Variants in ZBTB4 observed in about 807,000 individuals in gnomAD.
The protein encoded by ZBTB4 is zinc finger and BTB domain containing 4.
ZBTB4 carries 14 observed loss-of-function variants against 59.8 expected under a neutral mutation model. The ratio of observed to expected loss-of-function variants is 0.23; its 90% CI spans 0.15 to 0.37. The LOEUF is 0.37. Among genes scored for constraint, ZBTB4 ranks in the 10% least tolerant of loss-of-function variants. The pLI is 1.00. For synonymous variants in ZBTB4, 587 were observed against 575.2 expected, an observed-to-expected ratio of 1.02 and a Z score of -0.29; for missense variants, 1,198 against 1,380.8, an observed-to-expected ratio of 0.87 and a Z score of 2.10.
chr17:7,478,595 T>A (rs2070301246), intron 1 of ZBTB4, among the ~76,000 whole-genome samples: 1 of 152,136 alleles, frequency 6.6e-6, no homozygotes, highest in Admixed American at 6.5e-5. Context: ...ACATACAGCA[T>A]GCCAGCTCTG....
chr17:7,482,400 C>G, upstream of ZBTB4: 1 of 1,614,016 alleles, frequency 6.2e-7, no homozygotes, highest in Non-Finnish European at 8.5e-7. Context: ...GGTTCTTCCA[C>G]CGTCTGCTCC....
At position 7,459,925 on chromosome 17, in the gene ZBTB4, A is replaced by C. The variant is rs186060676; in HGVS notation, c.*2015T>G. ...TGCCTCAGAGGAGTATGGGTTAAGG[A>C]TATAGGGGCACTGTCGTCACCTCTG... On this transcript the variant is annotated 3_prime_UTR_variant, in exon 4 of 4. Coordinates refer to ENST00000380599, the MANE Select transcript of ZBTB4 (RefSeq NM_001128833.2). The C allele has an allele frequency of 6.6e-6, 1 of 152,648 alleles. No homozygotes were observed. The highest frequency in any genetic ancestry group is 1.9e-4 in the East Asian group (1 of 5,186). The allele number at this position is 152,648 out of a possible 1,614,324, so 9.5% of individuals were successfully genotyped here.
upstream of ZBTB4, chr17:7,484,212 T>G (rs1048406961): frequency 1.9e-5 from 3 of 156,190 alleles, no homozygotes; most frequent in Admixed American, 6.5e-5. Flanking sequence ...CTTCAAAAGG[T>G]CGCCCAACCA....
intron 3 of ZBTB4, among the ~76,000 whole-genome samples, chr17:7,465,102 G>A (rs1183866267): frequency 6.8e-6 from 1 of 147,684 alleles, no homozygotes; most frequent in African/African-American, 2.5e-5. Context: ...CTTGCAGTGA[G>A]CCGAGATCAC....
Position 7,463,493 on chromosome 17 carries a change from C to T in ZBTB4, c.1489G>A (p.Ala497Thr). ...SSSGGGGSGT[A>T]STGGSQAASV... ...GCAGCTTGGGACCCTCCTGTGCTGG[C>T]CGTCCCACTCCCCCCTCCACCACTG... The change falls in exon 4 of 4, where the codon GCC becomes ACC. Residue 497 changes from alanine (A) to threonine (T), a missense_variant. Around this residue, in one of 9 missense-constraint regions of ZBTB4, gnomAD observed 550 missense variants for 541.8 expected, o/e 1.02. Transcript: ENST00000380599. 1.3e-6 allele frequency: 2 copies of T among 1,544,682 alleles called. No homozygotes were observed. The highest frequency in any genetic ancestry group is 2.3e-5 in the East Asian group (1 of 43,400).
At chr17:7,471,278 G>A (rs2070194320) in intron 1 of ZBTB4, among the ~76,000 whole-genome samples, 1 of 152,090 alleles carries the variant, frequency 6.6e-6, no homozygotes, top group African/African-American at 2.4e-5. Context: ...GGACCTCCTG[G>A]AATCAAATGA....
intron 1 of ZBTB4, among the ~76,000 whole-genome samples, chr17:7,478,889 T>A (rs987837378): frequency 6.6e-6 from 1 of 152,074 alleles, no homozygotes; most frequent in African/African-American, 2.4e-5. Flanking sequence ...AGGTTTACCT[T>A]GCCCCACCAC....
chr17:7,482,812 G>A (rs766115951), upstream of ZBTB4: 2 of 1,611,928 alleles, frequency 1.2e-6, no homozygotes, highest in East Asian at 4.5e-5. Flanking sequence ...CGGTCACCAA[G>A]GCCCACCCTG....
In ZBTB4 at chr17:7,462,332, G is replaced by C; in HGVS notation, c.2650C>G (p.Arg884Gly). 1.2e-6 allele frequency: 2 copies of C among 1,613,748 alleles called. No homozygotes were observed. The highest frequency in any genetic ancestry group is 1.7e-6 in the Non-Finnish European group (2 of 1,179,924). ...TTTCCCCTGCCACCGCCAGGTTCCC[G>C]GCCGCCCCCAATCAAGGCCAGTGGA... ...EFPLALIGGG[R>G]EPGGGRGKSG... Residue 884 changes from arginine (R) to glycine (G), a missense_variant, in exon 4 of 4, where the codon CGG (arginine) becomes GGG (glycine). Around this residue, in one of 9 missense-constraint regions of ZBTB4, gnomAD observed 211 missense variants for 236.1 expected, o/e 0.89. Coordinates refer to ENST00000380599, the MANE Select transcript of ZBTB4 (RefSeq NM_001128833.2). This position sits in a 1 kb window ranked among gnomAD's most constrained non-coding sequence, Gnocchi z 7.5.
intron 1 of ZBTB4, among the ~76,000 whole-genome samples, chr17:7,472,428 A>T (rs1367182463): frequency 6.6e-6 from 1 of 152,030 alleles, no homozygotes; most frequent in Non-Finnish European, 1.5e-5. Context: ...CAACCTCGTG[A>T]TCCACCTGCC....
At chr17:7,482,921 G>A, upstream of ZBTB4, 1 of 1,612,036 alleles carries the variant, frequency 6.2e-7, no homozygotes, top group Non-Finnish European at 8.5e-7. Flanking sequence ...CATCGTGGGG[G>A]CAGGGGTTGT....
chr17:7,462,757 C>T lies in ZBTB4; in HGVS notation c.2225G>A (p.Arg742Gln), dbSNP rs761383665. 15 of 1,602,884 alleles carry T rather than the reference C, an allele frequency of 9.4e-6. No homozygotes were observed. The highest frequency in any genetic ancestry group is 4.0e-5 in the African/African-American group (3 of 74,928). Reference protein sequence around the residue: ...AQTFTTLRKLRKHQEAHGGGS... With the variant: ...AQTFTTLRKLQKHQEAHGGGS... ...CCCACCGTGGGCCTCTTGGTGCTTC[C>T]GCAGCTTTCTCAGGGTGGTGAAGGT... Residue 742 changes from arginine to glutamine, a missense_variant, in exon 4 of 4, where the codon CGG becomes CAG. Physicochemically the swap from Arg to Gln is conservative, Grantham distance 43 (BLOSUM62 1). Transcript: ENST00000380599. This position sits in a 1 kb window ranked among gnomAD's most constrained non-coding sequence, Gnocchi z 7.5.
intron 1 of ZBTB4, among the ~76,000 whole-genome samples, chr17:7,474,477 C>G (rs1402059808): frequency 6.6e-6 from 1 of 152,118 alleles, no homozygotes; most frequent in African/African-American, 2.4e-5. Context: ...CTTGGACACC[C>G]AAAGTGTTGG....
rs2070120055 is a variant in ZBTB4, at chr17:7,466,163, C to A, written c.639G>T (p.Trp213Cys). ...FGPGPRPAGEWEGDRAEAQAP... is the reference protein window; with the variant it reads ...FGPGPRPAGECEGDRAEAQAP... ...CCTGGGCCTCAGCCCTGTCACCCTC[C>A]CACTCCCCAGCTGGCCTGGGCCCGG... Residue 213 changes from tryptophan to cysteine, a missense_variant, in exon 3 of 4, where the codon TGG (tryptophan) becomes TGT (cysteine). Transcript: ENST00000380599. This position sits in a 1 kb window ranked among gnomAD's most constrained non-coding sequence, Gnocchi z 9.1. 1 of 1,613,038 alleles carries A rather than the reference C, an allele frequency of 6.2e-7. No homozygotes were observed. Among genetic ancestry groups the A allele is most frequent in the Admixed American group, 1.7e-5 (1 of 60,018 alleles).
upstream of ZBTB4, chr17:7,483,003 A>C (rs1158872904): frequency 6.2e-7 from 1 of 1,611,870 alleles, no homozygotes; most frequent in Non-Finnish European, 8.5e-7. Context: ...GAGGAGTGAG[A>C]TAGAACTTGG....
rs36010122 is a variant in ZBTB4 at position 7,472,196 on chromosome 17, CT to C, written c.-80-4870del. ...TCCTTGGCACTTAGTAACACTTTTT[CT>C]TTTTTTTTTTTGAGACACAGTCCAG... is the stretch of plus-strand genomic sequence containing the variant. On this transcript the variant is annotated intron_variant, in intron 1 of 3. Coordinates refer to ENST00000380599, the MANE Select transcript of ZBTB4 (RefSeq NM_001128833.2). 1.0e-3 allele frequency among the ~76,000 whole-genome samples: 152 copies of C among 145,390 alleles called. 1 individual carries two copies. Among genetic ancestry groups the C allele is most frequent in the Admixed American group, 1.2e-3 (18 of 14,506 alleles).
In ZBTB4 at chr17:7,461,198, A is replaced by C. The variant is rs1424782780; in HGVS notation, c.*742T>G. 1 of 152,694 alleles carries C rather than the reference A, an allele frequency of 6.5e-6. No homozygotes were observed. Among genetic ancestry groups the C allele is most frequent in the Non-Finnish European group, 1.5e-5 (1 of 68,096 alleles). The allele number at this position is 152,694 out of a possible 1,614,324, so 9.5% of individuals were successfully genotyped here. A position where few individuals can be genotyped will look rare whatever the true frequency, so the allele number is the denominator to read the frequency against. On this transcript the variant is annotated 3_prime_UTR_variant, in exon 4 of 4. Transcript: ENST00000380599. ...GGATTTGGGGGTCAAGATAGGGCCAATATTTCCCTGCCCTGGACTGGGAAA... is the reference window on the plus strand; with the variant it reads ...GGATTTGGGGGTCAAGATAGGGCCACTATTTCCCTGCCCTGGACTGGGAAA...
intron 1 of ZBTB4, among the ~76,000 whole-genome samples, chr17:7,476,801 C>T (rs142012734): frequency 8.3e-4 from 127 of 152,312 alleles, no homozygotes; most frequent in African/African-American, 2.7e-3. Flanking sequence ...TCCGGGTCTT[C>T]TGAAATGGAC....
At position 7,466,440 on chromosome 17, in the gene ZBTB4, G is replaced by T; in HGVS notation, c.362C>A (p.Ser121Tyr). 1 of 1,613,564 alleles carries T rather than the reference G, an allele frequency of 6.2e-7. No homozygotes were observed. The highest frequency in any genetic ancestry group is 8.5e-7 in the Non-Finnish European group (1 of 1,179,840). ...SPPPASPPAS[S>Y]PPRVLELPGV... ...TGGCAACTCCAGGACCCGGGGTGGG[G>T]AAGAAGCAGGGGGAGAGGCTGGAGG... Residue 121 changes from serine to tyrosine, a missense_variant, in exon 3 of 4, where the codon TCC becomes TAC. This residue lies in a region of ZBTB4 where 83 missense variants were observed against 76.5 expected (regional missense o/e 1.09). Coordinates refer to ENST00000380599, the MANE Select transcript of ZBTB4 (RefSeq NM_001128833.2). The surrounding 1 kb of genome is among the most constrained non-coding windows in gnomAD (Gnocchi z 9.1).
Sources: gnomAD v4.1 joint callset for allele counts (sites outside exome capture counted in the v4.1 genomes callset) on GRCh38, gnomAD v4.1.1 for gene constraint, gnomAD v4.1.1 regional missense constraint, Gnocchi (gnomAD v3.1) non-coding constraint, MANE v1.5 for transcripts, NCBI Gene and HGNC (gene_info 2026-07-23, HGNC 2026-07-21) for gene names.